Variants in EML2 observed in about 807,000 individuals in gnomAD.
The protein encoded by EML2 is EMAP like 2, also known as echinoderm microtubule-associated protein-like 2.
EML2 carries 59 observed loss-of-function variants against 84.7 expected under a neutral mutation model. That is an observed-to-expected ratio of 0.70 (90% CI 0.56 to 0.86). EML2 has a LOEUF of 0.86. Ranked by LOEUF, EML2 falls within the 40% of genes least tolerant of loss-of-function variation. The pLI is 0.00. For missense variants in EML2, 818 were observed against 855.6 expected (o/e 0.96, Z 0.55); for synonymous variants, 352 against 348.9 (o/e 1.01, Z -0.10).
chr19:45,613,496 C>A, intron 18 of EML2, 45 bp downstream of exon 18: 2 of 1,603,926 alleles, frequency 1.2e-6, no homozygotes, highest in South Asian at 1.1e-5. Flanking sequence ...TGTCCCCACC[C>A]CTGCTTGCTA....
intron 10 of EML2, 42 bp from the exon 11 acceptor site, chr19:45,621,374 G>C: frequency 6.3e-7 from 1 of 1,577,660 alleles, no homozygotes; most frequent in Non-Finnish European, 8.6e-7. Flanking sequence ...GGATGCACAC[G>C]GGTGGGTGTG....
chr19:45,615,519 A>AAATAATAATAATAAT lies in EML2; in HGVS notation c.1597+268_1597+282dup, dbSNP rs56322389. Among the ~76,000 whole-genome samples the AAATAATAATAATAAT allele has an allele frequency of 1.7e-3, 240 of 139,180 alleles. 1 individual carries two copies. The highest frequency in any genetic ancestry group is 3.7e-3 in the Middle Eastern group (1 of 268). 91.3% of individuals were successfully genotyped at this position (139,180 alleles called of 152,430 possible). ...GGGGACAGAGCAAGACTCCGTCTCA[A>AAATAATAATAATAAT]AATAATAATAATAATAATAATAATA... On this transcript the variant is annotated intron_variant, in intron 16 of 18. Transcript: ENST00000245925.
intron 6 of EML2, among the ~76,000 whole-genome samples, chr19:45,631,733 T>C (rs1600178883): frequency 6.6e-6 from 1 of 152,070 alleles, no homozygotes; most frequent in South Asian, 2.1e-4. Context: ...AAAGTCAGCG[T>C]CCTGCCATAT....
At chr19:45,625,497 C>G (rs1972205171) in intron 8 of EML2, among the ~76,000 whole-genome samples, 1 of 152,172 alleles carries the variant, frequency 6.6e-6, no homozygotes, top group African/African-American at 2.4e-5. Flanking sequence ...CCGCCTCGGC[C>G]TCCCAAAGTG....
chr19:45,644,628 C>A (rs993355573), upstream of EML2: 4 of 454,018 alleles, frequency 8.8e-6, no homozygotes, highest in Admixed American at 7.1e-5. Flanking sequence ...ACCATCCCCC[C>A]ATCCTCAGCC....
At position 45,636,435 on chromosome 19, in the gene EML2, G is replaced by GT. The variant is rs369258407; in HGVS notation, c.180-1965dup. Among the ~76,000 whole-genome samples, 443 of 152,136 alleles carry GT rather than the reference G, an allele frequency of 2.9e-3. 6 individuals carry two copies. Among genetic ancestry groups the GT allele is most frequent in the African/African-American group, 9.9e-3 (410 of 41,502 alleles). The stretch of plus-strand genomic sequence containing the variant: ...GCTGTTTTTTTTGTTTGTTTGTTTT[G>GT]TTTTTTTCATTTCTGTATCTCCTCC... On this transcript the variant is annotated intron_variant, in intron 3 of 18. Coordinates refer to ENST00000245925, the MANE Select transcript of EML2 (RefSeq NM_012155.4).
rs777269388 is a variant in EML2, at chr19:45,638,590, T to C, written c.94A>G (p.Met32Val). The C allele has an allele frequency of 2.5e-6, 4 of 1,614,132 alleles. No homozygotes were observed. The South Asian group carries it at 3.3e-5, about 13-fold the overall frequency. The change falls in exon 3 of 19, where the codon ATG (methionine) becomes GTG (valine). Residue 32 changes from methionine to valine, a missense_variant. Coordinates refer to ENST00000245925, the MANE Select transcript of EML2 (RefSeq NM_012155.4). Reference sequence around the variant, plus strand: ...GGTGCCAGCTCGTCTGGGATCATCATGGGCACAGGGCGGCCCCTCAGGAAC... The same window carrying C: ...GGTGCCAGCTCGTCTGGGATCATCACGGGCACAGGGCGGCCCCTCAGGAAC... The part of the protein sequence containing the change: ...KMFLRGRPVP[M>V]MIPDELAPTY...
In EML2 at chr19:45,614,250, C is replaced by G. The variant is rs571085720; in HGVS notation, c.1693+355G>C. ...GGACAAGTCTGCCTCCCCCACTGGA[C>G]TGAGAGCCACAGGAGAGCAGGGCCG... On this transcript the variant is annotated intron_variant, in intron 17 of 18. Coordinates refer to ENST00000245925, the MANE Select transcript of EML2 (RefSeq NM_012155.4). Among the ~76,000 whole-genome samples the G allele has an allele frequency of 3.9e-5, 6 of 152,332 alleles. No individual in the cohort carries two copies. In the South Asian group the frequency reaches 1.2e-3, roughly 32 times the overall value.
chr19:45,628,100 A>T (rs1972582613), intron 7 of EML2, among the ~76,000 whole-genome samples: 1 of 147,834 alleles, frequency 6.8e-6, no homozygotes, highest in African/African-American at 2.5e-5. Flanking sequence ...GGCCGGGTGT[A>T]GTGGCTCACA....
intron 8 of EML2, among the ~76,000 whole-genome samples, chr19:45,625,397 C>T (rs8113155): frequency 0.11 from 16,360 of 152,212 alleles, 958 homozygotes; most frequent in Non-Finnish European, 0.13. Context: ...CCCACCATCA[C>T]GCCTGGCTAA....
At chr19:45,630,139 G>A in intron 6 of EML2, 93 bp from the exon 7 acceptor site, 1 of 913,896 alleles carries the variant, frequency 1.1e-6, no homozygotes, top group East Asian at 2.5e-5. Context: ...ACACAGGCCT[G>A]TTTTAAAACC....
At chr19:45,633,232 AGTTTAGTCAATAAACGT>A (rs1438117401) in intron 4 of EML2, 93 bp from the exon 5 acceptor site, 1 of 1,258,234 alleles carries the variant, frequency 7.9e-7, no homozygotes, top group Non-Finnish European at 1.1e-6. Context: ...TGGCTGGTTG[AGTTTAGTCAATAAACGT>A]GTATTTAGTG....
chr19:45,627,456 T>C lies in EML2; in HGVS notation c.607-617A>G, dbSNP rs989964108. On this transcript the variant is annotated intron_variant, in intron 7 of 18. Coordinates refer to ENST00000245925, the MANE Select transcript of EML2 (RefSeq NM_012155.4). ...TTTTAGTAGAGATAGGGTTTCACCA[T>C]GTTGGCCAGGCTGGTCTCAAACTCC... 2.7e-5 allele frequency among the ~76,000 whole-genome samples: 4 copies of C among 150,208 alleles called. No individual in the cohort carries two copies. In the East Asian group the frequency reaches 6.0e-4, roughly 23 times the overall value.
chr19:45,628,107 C>T lies in EML2; in HGVS notation c.607-1268G>A, dbSNP rs539836035. On this transcript the variant is annotated intron_variant, in intron 7 of 18. Transcript: ENST00000245925. The stretch of plus-strand genomic sequence containing the variant: ...TCAGAGAGGGCCGGGTGTAGTGGCT[C>T]ACACCTGTAATCCCAGCACTTTGGG... Among the ~76,000 whole-genome samples, 11 of 151,006 alleles carry T rather than the reference C, an allele frequency of 7.3e-5. No individual in the cohort carries two copies. The East Asian group carries it at 9.8e-4, about 13-fold the overall frequency.
intron 3 of EML2, among the ~76,000 whole-genome samples, chr19:45,635,583 CTTTTTTTTT>C (rs1172930803): frequency 0.039 from 4,242 of 108,390 alleles, 240 homozygotes; most frequent in African/African-American, 0.14. Flanking sequence ...TGTCTGTTTC[CTTTTTTTTT>C]TTTTTTTTTT....
At position 45,613,534 on chromosome 19, in the gene EML2, G is replaced by A. The variant is rs1455753315; in HGVS notation, c.1824+7C>T. On this transcript the variant is annotated splice_region_variant and intron_variant, in intron 18 of 18. Coordinates refer to ENST00000245925, the MANE Select transcript of EML2 (RefSeq NM_012155.4). ...CCCGTCCATCCCCATCTCCCCAAGGGACTCACTCGAGGCTGACAGCAGGGG... is the reference window on the plus strand; with the variant it reads ...CCCGTCCATCCCCATCTCCCCAAGGAACTCACTCGAGGCTGACAGCAGGGG... 1 of 1,613,706 alleles carries A rather than the reference G, an allele frequency of 6.2e-7. No homozygotes were observed. Among genetic ancestry groups the A allele is most frequent in the East Asian group, 2.2e-5 (1 of 44,862 alleles).
chr19:45,624,940 C>G (rs1568457994), intron 8 of EML2, 122 bp from the exon 9 acceptor site: 2 of 688,718 alleles, frequency 2.9e-6, no homozygotes, highest in East Asian at 5.5e-5. Context: ...TAGGGTAAGG[C>G]TCTGCGTGGA....
intron 15 of EML2, chr19:45,616,168 A>C (rs767140133): frequency 7.0e-5 from 36 of 515,370 alleles, no homozygotes; most frequent in Non-Finnish European, 1.1e-4. Flanking sequence ...CTGGCTTTGA[A>C]TGTTGAGGGG....
chr19:45,642,082 A>C (rs1428597561), upstream of EML2: 4 of 1,452,330 alleles, frequency 2.8e-6, no homozygotes, highest in Non-Finnish European at 3.6e-6. Context: ...GGTGAGTATA[A>C]GGACCAGGCC....
Sources: gnomAD v4.1 joint callset for allele counts (sites outside exome capture counted in the v4.1 genomes callset) on GRCh38, gnomAD v4.1.1 for gene constraint, MANE v1.5 for transcripts, NCBI Gene and HGNC (gene_info 2026-07-23, HGNC 2026-07-21) for gene names.